The following FAM53A variants were observed in gnomAD, a reference collection of about 807,000 sequenced individuals.
FAM53A encodes family with sequence similarity 53 member A.
Under a neutral mutation model 26.6 loss-of-function variants are expected in FAM53A, and 28 were observed. That is an observed-to-expected ratio of 1.05 (90% confidence interval 0.78 to 1.45). The LOEUF is 1.45. FAM53A is among the 40% of genes most tolerant of loss of function. The pLI is 0.00. For missense variants in FAM53A, 650 were observed against 575.8 expected, an observed-to-expected ratio of 1.13 and a Z score of -1.32; for synonymous variants, 290 against 253.1, an observed-to-expected ratio of 1.15 and a Z score of -1.38.
chr4:1,665,975 A>G (rs1189257036), intron 2 of FAM53A, among the ~76,000 whole-genome samples: 2 of 132,798 alleles, frequency 1.5e-5, no homozygotes, highest in Non-Finnish European at 3.2e-5. Flanking sequence ...TATCTAAAAT[A>G]AAACCTGCAC....
At chr4:1,628,671 T>G (rs1215597607) in intron 1 of FAM53A, among the ~76,000 whole-genome samples, 2 of 15,744 alleles carry the variant, frequency 1.3e-4, no homozygotes, top group Non-Finnish European at 2.2e-4. Context: ...GGTGGGAGGG[T>G]GGCACGGGAA....
intron 1 of FAM53A, among the ~76,000 whole-genome samples, chr4:1,677,761 A>G (rs1715141204): frequency 6.6e-6 from 1 of 152,140 alleles, no homozygotes; most frequent in Non-Finnish European, 1.5e-5. Context: ...CCTGGCCAAC[A>G]TGGTGAAACC....
chr4:1,657,550 A>C, intron 2 of FAM53A, 82 bp from the exon 3 acceptor site: 1 of 1,124,774 alleles, frequency 8.9e-7, no homozygotes, highest in Non-Finnish European at 1.3e-6. Context: ...TCACTGCAGC[A>C]CGTTCTACCT....
At chr4:1,611,132 G>T in the FAM53A span, among the ~76,000 whole-genome samples, 3 of 152,204 alleles carry the variant, frequency 2.0e-5, no homozygotes, top group East Asian at 3.9e-4. Flanking sequence ...CGTCTCAGCC[G>T]CCTGACCCAG....
At chr4:1,671,268 G>A (rs1212537209) in intron 1 of FAM53A, among the ~76,000 whole-genome samples, 1 of 150,102 alleles carries the variant, frequency 6.7e-6, no homozygotes, top group East Asian at 2.0e-4. Context: ...CTCTGTCCCA[G>A]CGTCAGAGCC....
chr4:1,676,640 C>T (rs1715062627), intron 1 of FAM53A, among the ~76,000 whole-genome samples: 3 of 152,130 alleles, frequency 2.0e-5, no homozygotes, highest in Non-Finnish European at 4.4e-5. Context: ...CAGCCCTGTC[C>T]TTGGGTACTT....
chr4:1,593,370 AG>A, the FAM53A span, among the ~76,000 whole-genome samples: 1 of 151,968 alleles, frequency 6.6e-6, no homozygotes, highest in Non-Finnish European at 1.5e-5. Flanking sequence ...GGCCCCTCCG[AG>A]TAGGGTGAGC....
At chr4:1,622,060 T>C (rs1333784687) in intron 1 of FAM53A, among the ~76,000 whole-genome samples, 1 of 152,184 alleles carries the variant, frequency 6.6e-6, no homozygotes, top group Non-Finnish European at 1.5e-5. Context: ...CTCTGCCCTC[T>C]GCCACCTGAC....
chr4:1,585,089 T>A, the FAM53A span, among the ~76,000 whole-genome samples: 1 of 152,200 alleles, frequency 6.6e-6, no homozygotes, highest in African/African-American at 2.4e-5. Context: ...CTAAATAACC[T>A]CATATGCTTA....
chr4:1,668,522 T>C (rs943618806), intron 2 of FAM53A, 145 bp downstream of exon 2: 16 of 747,910 alleles, frequency 2.1e-5, no homozygotes, highest in Non-Finnish European at 3.3e-5. Context: ...GGCCCACATG[T>C]GCACCAGACA....
intron 4 of FAM53A, among the ~76,000 whole-genome samples, chr4:1,648,264 T>C (rs188483377): frequency 2.9e-4 from 44 of 152,176 alleles, no homozygotes; most frequent in African/African-American, 1.0e-3. Context: ...GGGGGCCAAG[T>C]GTTCACCAAA....
chr4:1,639,340 G>A (rs74825075), downstream of FAM53A, among the ~76,000 whole-genome samples: 971 of 152,270 alleles, frequency 6.4e-3, 12 homozygotes, highest in African/African-American at 0.022. Context: ...TAAACCACCC[G>A]GAGCTGATCT....
chr4:1,581,517 A>G, the FAM53A span, among the ~76,000 whole-genome samples: 1 of 152,242 alleles, frequency 6.6e-6, no homozygotes, highest in Non-Finnish European at 1.5e-5. Context: ...GTGGTCCTGC[A>G]TATCTGGAAT....
At chr4:1,602,351 C>T in the FAM53A span, among the ~76,000 whole-genome samples, 141 of 152,324 alleles carry the variant, frequency 9.3e-4, 1 homozygote, top group African/African-American at 3.1e-3. Flanking sequence ...GCAGAGGTGC[C>T]GGTCTTGCCG....
intron 4 of FAM53A, among the ~76,000 whole-genome samples, chr4:1,654,581 C>T (rs1359402628): frequency 6.6e-6 from 1 of 152,372 alleles, no homozygotes; most frequent in African/African-American, 2.4e-5. Flanking sequence ...TCGAATGGGG[C>T]TCCCAGGACA....
the FAM53A span, among the ~76,000 whole-genome samples, chr4:1,603,886 C>G: frequency 1.3e-5 from 2 of 152,228 alleles, no homozygotes. Context: ...GCGATTGCTG[C>G]AGGCCTGACA....
At chr4:1,578,451 C>T in the FAM53A span, among the ~76,000 whole-genome samples, 2 of 151,358 alleles carry the variant, frequency 1.3e-5, no homozygotes, top group African/African-American at 2.4e-5. Context: ...AGGGCGCGAG[C>T]GTTGGCGTGA....
chr4:1,605,062 G>A, the FAM53A span, among the ~76,000 whole-genome samples: 7 of 152,284 alleles, frequency 4.6e-5, no homozygotes, highest in South Asian at 2.1e-4. The surrounding 1 kb of genome is among the most constrained non-coding windows in gnomAD (Gnocchi z 5.7). Context: ...TGCAGACACC[G>A]GGCTCCACCT....
chr4:1,683,927 C>G (rs1715632661), intron 1 of FAM53A: 1 of 152,260 alleles, frequency 6.6e-6, no homozygotes, highest in African/African-American at 2.4e-5. Flanking sequence ...GCGTCTGGGT[C>G]CCCTTCGGGA....
Sources: gnomAD v4.1 joint callset for allele counts (sites outside exome capture counted in the v4.1 genomes callset) on GRCh38, gnomAD v4.1.1 for gene constraint, Gnocchi (gnomAD v3.1) non-coding constraint, MANE v1.5 for transcripts, NCBI Gene and HGNC (gene_info 2026-07-23, HGNC 2026-07-21) for gene names.